The following NAV2 variants were observed in gnomAD, a reference collection of about 807,000 sequenced individuals.
NAV2 encodes helicase, APC down-regulated 1.
A neutral mutation model predicts 223.2 loss-of-function variants in NAV2; 54 were observed. That is an observed-to-expected ratio of 0.24 (90% CI 0.19 to 0.30). The LOEUF (loss-of-function observed/expected upper bound fraction) is 0.30. NAV2 is among the 10% of genes least tolerant of loss of function. NAV2 has a pLI of 1.00. For missense variants in NAV2, 2,806 were observed against 3,147.5 expected, an observed-to-expected ratio of 0.89 and a Z score of 2.60; for synonymous variants, 1,279 against 1,239.3, an observed-to-expected ratio of 1.03 and a Z score of -0.67.
chr11:19,405,040 C>T (rs915879978), intron 1 of NAV2, among the ~76,000 whole-genome samples: 6 of 152,136 alleles, frequency 3.9e-5, no homozygotes, highest in African/African-American at 1.4e-4. Context: ...AGGCAGCTAA[C>T]TTTCATAAAT....
intron 1 of NAV2, among the ~76,000 whole-genome samples, chr11:19,614,595 C>T (rs991035610): frequency 3.9e-5 from 6 of 152,130 alleles, no homozygotes; most frequent in Admixed American, 1.3e-4. Context: ...TCATGGTTAT[C>T]ACCCAATGTC....
At chr11:19,993,779 T>G (rs971577313) in intron 11 of NAV2, among the ~76,000 whole-genome samples, 2 of 152,232 alleles carry the variant, frequency 1.3e-5, no homozygotes, top group African/African-American at 4.8e-5. Context: ...TTAAGGAATT[T>G]TATTCAATGC....
At chr11:19,577,375 T>G (rs948717523) in intron 1 of NAV2, among the ~76,000 whole-genome samples, 6 of 152,214 alleles carry the variant, frequency 3.9e-5, no homozygotes, top group African/African-American at 1.4e-4. Context: ...CCTTCACTTT[T>G]CTAAGGCTGG....
intron 12 of NAV2, among the ~76,000 whole-genome samples, chr11:20,040,296 A>C (rs988418454): frequency 4.6e-5 from 7 of 152,212 alleles, no homozygotes; most frequent in African/African-American, 1.7e-4. Flanking sequence ...AGGCAGGATA[A>C]ATGCTAAAGA....
intron 1 of NAV2, among the ~76,000 whole-genome samples, chr11:19,684,159 G>C (rs556634075): frequency 6.6e-6 from 1 of 152,236 alleles, no homozygotes; most frequent in South Asian, 2.1e-4. Context: ...TCTTCAAAGG[G>C]TATTGTGTTG....
At chr11:19,759,808 G>T (rs1422118977) in intron 1 of NAV2, among the ~76,000 whole-genome samples, 2 of 152,092 alleles carry the variant, frequency 1.3e-5, no homozygotes, top group East Asian at 3.9e-4. Flanking sequence ...CATCCTGAAG[G>T]ATCATTATTC....
At chr11:19,902,756 A>G (rs1424511210) in intron 6 of NAV2, among the ~76,000 whole-genome samples, 1 of 152,206 alleles carries the variant, frequency 6.6e-6, no homozygotes. Flanking sequence ...TCTCATCTGT[A>G]GTCAGGACTT....
chr11:19,742,335 C>T (rs535377291), intron 1 of NAV2, among the ~76,000 whole-genome samples: 1 of 152,322 alleles, frequency 6.6e-6, no homozygotes, highest in East Asian at 1.9e-4. Flanking sequence ...AAGTACTTGC[C>T]TCATACATTC....
chr11:20,006,969 C>A (rs1361881227), intron 11 of NAV2, among the ~76,000 whole-genome samples: 3 of 147,102 alleles, frequency 2.0e-5, no homozygotes, highest in Non-Finnish European at 4.5e-5. Context: ...TTTTTTTTTT[C>A]TTTGGAGACA....
At chr11:19,583,361 C>G (rs1300586558) in intron 1 of NAV2, among the ~76,000 whole-genome samples, 1 of 152,166 alleles carries the variant, frequency 6.6e-6, no homozygotes, top group Admixed American at 6.5e-5. Context: ...TAATTGAATA[C>G]CCTTTATTTC....
chr11:19,358,220 CAGG>C (rs1853731269), intron 1 of NAV2, among the ~76,000 whole-genome samples: 1 of 152,104 alleles, frequency 6.6e-6, no homozygotes. Flanking sequence ...GATGGCAGAG[CAGG>C]AGTAGATGTT....
intron 11 of NAV2, among the ~76,000 whole-genome samples, chr11:20,019,994 TAA>T (rs763255071): frequency 8.2e-5 from 11 of 133,890 alleles, no homozygotes; most frequent in Admixed American, 1.5e-4. Context: ...GGGCATGAGG[TAA>T]AAAAAAAAAA....
chr11:19,519,387 T>A (rs1416800576), intron 1 of NAV2, among the ~76,000 whole-genome samples: 1 of 152,240 alleles, frequency 6.6e-6, no homozygotes, highest in Non-Finnish European at 1.5e-5. Flanking sequence ...CCTTATTTAA[T>A]CTTCACGTTT....
At chr11:19,416,607 A>G (rs914329756) in intron 1 of NAV2, among the ~76,000 whole-genome samples, 1 of 152,256 alleles carries the variant, frequency 6.6e-6, no homozygotes, top group Non-Finnish European at 1.5e-5. Context: ...TTTAAATTTC[A>G]TAAGGAACCA....
intron 1 of NAV2, among the ~76,000 whole-genome samples, chr11:19,831,252 G>C (rs1220892044): frequency 7.1e-6 from 1 of 140,182 alleles, no homozygotes; most frequent in African/African-American, 2.7e-5. Context: ...ATGGGGAGTG[G>C]GGGGGGATGA....
chr11:19,349,147 A>T (rs1292219824), upstream of NAV2, among the ~76,000 whole-genome samples: 1 of 152,234 alleles, frequency 6.6e-6, no homozygotes, highest in Non-Finnish European at 1.5e-5. Context: ...CCTTCTGAAC[A>T]TTCTGCTCCT....
At chr11:19,973,210 G>T (rs1362201586) in intron 10 of NAV2, among the ~76,000 whole-genome samples, 2 of 152,090 alleles carry the variant, frequency 1.3e-5, no homozygotes, top group Non-Finnish European at 2.9e-5. Context: ...TTGTTACCTG[G>T]GGGGGTCTAC....
At chr11:19,722,209 A>G (rs762873806) in intron 1 of NAV2, among the ~76,000 whole-genome samples, 3 of 152,190 alleles carry the variant, frequency 2.0e-5, no homozygotes, top group Non-Finnish European at 4.4e-5. Context: ...GGTTGCTGAC[A>G]TTTTCTGGAA....
chr11:20,115,068 C>T (rs1395362972), intron 37 of NAV2, among the ~76,000 whole-genome samples: 1 of 152,062 alleles, frequency 6.6e-6, no homozygotes, highest in African/African-American at 2.4e-5. Context: ...TGTCTCTATA[C>T]AACACTTTGC....
Sources: gnomAD v4.1 joint callset for allele counts (sites outside exome capture counted in the v4.1 genomes callset) on GRCh38, gnomAD v4.1.1 for gene constraint, MANE v1.5 for transcripts, NCBI Gene and HGNC (gene_info 2026-07-23, HGNC 2026-07-21) for gene names.